ACYP2: variants seen among roughly 807,000 people sequenced by gnomAD.
The protein encoded by ACYP2 is acylphosphatase-2.
Under a neutral mutation model 11.2 loss-of-function variants are expected in ACYP2, and 12 were observed. That is an observed-to-expected ratio of 1.08 (90% CI 0.69 to 1.74). ACYP2 has a LOEUF of 1.74. ACYP2 is among the 40% of genes most tolerant of loss of function. The pLI, the probability that ACYP2 is intolerant of heterozygous loss-of-function variation, is 0.00. For synonymous variants in ACYP2, 43 were observed against 32.2 expected (o/e 1.33, Z -1.13); for missense variants, 134 against 101.9 (o/e 1.31, Z -1.35).
chr2:54,289,514 C>T (rs1383860627), intron 6 of ACYP2, among the ~76,000 whole-genome samples: 2 of 151,984 alleles, frequency 1.3e-5, no homozygotes, highest in Non-Finnish European at 2.9e-5. Context: ...TTCTTCCTCA[C>T]CTTCTATTTT....
At chr2:54,039,007 A>G (rs12619131) in intron 2 of ACYP2, among the ~76,000 whole-genome samples, 7,068 of 151,830 alleles carry the variant, frequency 0.047, 330 homozygotes, top group East Asian at 0.26. Context: ...TATCTGGGGG[A>G]AGAACATCCC....
At chr2:54,063,178 G>C (rs931946112) in intron 4 of ACYP2, among the ~76,000 whole-genome samples, 1 of 151,748 alleles carries the variant, frequency 6.6e-6, no homozygotes, top group African/African-American at 2.4e-5. Context: ...TAGAGTCAGG[G>C]TCTCACTGTG....
At chr2:54,110,764 T>C (rs1047228534) in intron 4 of ACYP2, among the ~76,000 whole-genome samples, 8 of 151,924 alleles carry the variant, frequency 5.3e-5, no homozygotes, top group African/African-American at 1.9e-4. Flanking sequence ...TGTCGCCCCA[T>C]CACCCCAAGC....
chr2:54,074,322 G>A (rs1460042188), intron 4 of ACYP2, among the ~76,000 whole-genome samples: 2 of 152,122 alleles, frequency 1.3e-5, no homozygotes, highest in East Asian at 3.9e-4. Context: ...TCCAGCCTGG[G>A]TGACAGTGGG....
intron 4 of ACYP2, among the ~76,000 whole-genome samples, chr2:54,070,404 TTA>T (rs1411752200): frequency 3.9e-5 from 6 of 152,214 alleles, no homozygotes; most frequent in Non-Finnish European, 7.3e-5. Flanking sequence ...TTCCAGTGAT[TTA>T]CATTGAAGTC....
chr2:54,241,099 C>T (rs928624045), intron 6 of ACYP2, among the ~76,000 whole-genome samples: 1 of 152,150 alleles, frequency 6.6e-6, no homozygotes, highest in Non-Finnish European at 1.5e-5. Context: ...TCTTTTCAGC[C>T]TTGGAGCAAG....
At chr2:54,088,940 C>T (rs748994636) in intron 4 of ACYP2, among the ~76,000 whole-genome samples, 14 of 152,144 alleles carry the variant, frequency 9.2e-5, no homozygotes, top group Non-Finnish European at 1.5e-4. Flanking sequence ...CCCACAATTG[C>T]ATGTTCAACA....
intron 2 of ACYP2, among the ~76,000 whole-genome samples, chr2:54,035,009 C>CAAAAAAAAAAGAAAAAA (rs1674804174): frequency 2.2e-5 from 1 of 44,750 alleles, no homozygotes; most frequent in Non-Finnish European, 5.3e-5. Flanking sequence ...GACTACATCT[C>CAAAAAAAAAAGAAAAAA]AAAAAAAAAA....
chr2:53,979,644 T>TTA (rs1558449175), intron 2 of ACYP2, among the ~76,000 whole-genome samples: 3 of 142,416 alleles, frequency 2.1e-5, no homozygotes, highest in South Asian at 2.4e-4. Flanking sequence ...AAAAAAAAAT[T>TTA]AAAAAAAAAG....
intron 6 of ACYP2, among the ~76,000 whole-genome samples, chr2:54,165,070 A>G (rs987329358): frequency 3.3e-5 from 5 of 152,146 alleles, no homozygotes; most frequent in East Asian, 1.9e-4. Context: ...ATAGTATTCA[A>G]TGGTGTATAT....
chr2:54,249,555 C>T (rs1450426652), intron 6 of ACYP2, among the ~76,000 whole-genome samples: 1 of 152,022 alleles, frequency 6.6e-6, no homozygotes, highest in Non-Finnish European at 1.5e-5. Context: ...AAAGAAAAGC[C>T]AGAGGGAGGT....
At chr2:54,218,491 A>G (rs1401154419) in intron 6 of ACYP2, among the ~76,000 whole-genome samples, 1 of 152,206 alleles carries the variant, frequency 6.6e-6, no homozygotes, top group Non-Finnish European at 1.5e-5. Context: ...TTACAGCATG[A>G]TACTAAACAT....
At chr2:54,051,788 TA>T in intron 3 of ACYP2, 1 of 441,130 alleles carries the variant, frequency 2.3e-6, no homozygotes, top group Non-Finnish European at 4.1e-6. Context: ...CTCACACCTG[TA>T]ATCCCGGCAC....
chr2:53,983,620 T>C (rs1374786487), intron 2 of ACYP2, among the ~76,000 whole-genome samples: 1 of 152,198 alleles, frequency 6.6e-6, no homozygotes, highest in Non-Finnish European at 1.5e-5. Flanking sequence ...GAATAGTATA[T>C]ACGGCTGAAG....
rs913097327 is a variant in ACYP2 at position 54,229,120 on chromosome 2, A to G, written c.405-75568A>G. On this transcript the variant is annotated intron_variant, in intron 6 of 6. Transcript: ENST00000607452. ...AGGTAGGCCATTACAAAATGGCCCA[A>G]CTGGGTTAGAGTTCCAGGCAAGAGA... 2.0e-5 allele frequency among the ~76,000 whole-genome samples: 3 copies of G among 152,264 alleles called. No homozygotes were observed. In the South Asian group the frequency reaches 6.2e-4, roughly 32 times the overall value.
chr2:54,138,180 G>GCTTTC (rs1302921030), intron 5 of ACYP2, among the ~76,000 whole-genome samples: 2 of 152,022 alleles, frequency 1.3e-5, no homozygotes, highest in Non-Finnish European at 2.9e-5. Flanking sequence ...AAATTTCGAA[G>GCTTTC]TGTTGTAGTC....
chr2:54,304,668 A>C lies in ACYP2; in HGVS notation c.405-20A>C. ...TATACTTTGTATGCTAATTTTATTTATTTATCTGTTTTTTTATAGGAAGTC... is the reference window on the plus strand; with the variant it reads ...TATACTTTGTATGCTAATTTTATTTCTTTATCTGTTTTTTTATAGGAAGTC... On this transcript the variant is annotated intron_variant, in intron 6 of 6. Coordinates refer to ENST00000607452, the MANE Select transcript of ACYP2 (RefSeq NM_001320586.2). 6.4e-7 allele frequency: 1 copy of C among 1,559,640 alleles called. No homozygotes were observed. Among genetic ancestry groups the C allele is most frequent in the Non-Finnish European group, 8.8e-7 (1 of 1,136,430 alleles).
intron 2 of ACYP2, among the ~76,000 whole-genome samples, chr2:54,037,627 T>G (rs1276437966): frequency 6.6e-6 from 1 of 151,744 alleles, no homozygotes; most frequent in African/African-American, 2.4e-5. Context: ...AGGCTAATCT[T>G]GAACTCTTGG....
chr2:54,269,486 A>T (rs1688184091), intron 6 of ACYP2, among the ~76,000 whole-genome samples: 1 of 152,258 alleles, frequency 6.6e-6, no homozygotes, highest in Admixed American at 6.5e-5. Flanking sequence ...GATATCCCAG[A>T]ATAAGGCCCC....
Sources: allele counts gnomAD v4.1 joint callset (sites outside exome capture counted in the v4.1 genomes callset), GRCh38; gene constraint gnomAD v4.1.1; transcripts MANE v1.5; gene names NCBI Gene and HGNC (gene_info 2026-07-23, HGNC 2026-07-21).